The following CTNNA2 variants were observed in gnomAD, a reference collection of about 807,000 sequenced individuals.
CTNNA2 encodes catenin alpha-2.
CTNNA2 carries 42 observed loss-of-function variants against 101.0 expected under a neutral mutation model. The ratio of observed to expected loss-of-function variants is 0.42; its 90% confidence interval spans 0.32 to 0.54. The LOEUF (loss-of-function observed/expected upper bound fraction) is 0.54. Ranked by LOEUF, CTNNA2 falls within the 20% of genes least tolerant of loss-of-function variation. The pLI is 0.14. For missense variants in CTNNA2, 871 were observed against 1,223.1 expected (o/e 0.71, Z 4.29); for synonymous variants, 450 against 456.4 (o/e 0.99, Z 0.18).
At chr2:80,166,352 A>G (rs1407216537) in intron 7 of CTNNA2, among the ~76,000 whole-genome samples, 1 of 152,072 alleles carries the variant, frequency 6.6e-6, no homozygotes, top group Non-Finnish European at 1.5e-5. Context: ...CTGGAGATTG[A>G]CTCAGTCAGC....
At chr2:80,230,812 G>A (rs769291750) in intron 7 of CTNNA2, among the ~76,000 whole-genome samples, 40 of 152,194 alleles carry the variant, frequency 2.6e-4, no homozygotes, top group Non-Finnish European at 4.9e-4. Context: ...CCCAAAGCTT[G>A]CTCTACCTTT....
chr2:80,162,503 T>C (rs994964486), intron 7 of CTNNA2: 1 of 1,602,306 alleles, frequency 6.2e-7, no homozygotes, highest in African/African-American at 1.3e-5. Context: ...TCTGTTATCA[T>C]AGTCATGGCT....
At chr2:80,356,876 T>G (rs1673865459) in intron 7 of CTNNA2, among the ~76,000 whole-genome samples, 1 of 152,174 alleles carries the variant, frequency 6.6e-6, no homozygotes, top group Non-Finnish European at 1.5e-5. Flanking sequence ...TCAAAATACC[T>G]TTTGGTATCA....
At chr2:79,458,205 G>A (rs1670845095) in intron 4 of CTNNA2, among the ~76,000 whole-genome samples, 1 of 152,148 alleles carries the variant, frequency 6.6e-6, no homozygotes, top group Non-Finnish European at 1.5e-5. Context: ...CAGAGCTTTT[G>A]GATGTGATCA....
chr2:80,067,302 A>G (rs1032530005), intron 7 of CTNNA2, among the ~76,000 whole-genome samples: 2 of 152,214 alleles, frequency 1.3e-5, no homozygotes, highest in African/African-American at 4.8e-5. Flanking sequence ...TCCACAATGT[A>G]TACATATTTC....
At chr2:80,491,680 T>C (rs1687074489) in intron 9 of CTNNA2, among the ~76,000 whole-genome samples, 1 of 152,206 alleles carries the variant, frequency 6.6e-6, no homozygotes, top group African/African-American at 2.4e-5. Flanking sequence ...TCAATTTGCC[T>C]GGGAGAGTTC....
In CTNNA2 at chr2:79,844,329, G is replaced by T. The variant is rs553463516; in HGVS notation, c.299-13684G>T. Among the ~76,000 whole-genome samples, 11 of 152,268 alleles carry T rather than the reference G, an allele frequency of 7.2e-5. 1 individual carries two copies. The highest frequency in any genetic ancestry group is 2.6e-4 in the African/African-American group (11 of 41,538). ...CTACTTATTTTCAGTTTAACAATAG[G>T]ATCCCTGCTTTATATTTTGATGTAC... On this transcript the variant is annotated intron_variant, in intron 3 of 18. Coordinates refer to ENST00000402739, the MANE Select transcript of CTNNA2 (RefSeq NM_001282597.3).
rs547710743 is a variant in CTNNA2, at chr2:79,668,022, T to G, written c.102+16364T>G. Among the ~76,000 whole-genome samples, 6 of 150,142 alleles carry G rather than the reference T, an allele frequency of 4.0e-5. 1 individual carries two copies. In the East Asian group the frequency reaches 1.1e-3, roughly 27 times the overall value. ...TTGGGAGGCCGAGGCGGGTGGATCA[T>G]GAGGTCAGGAGATCGAGACCATCCT... On this transcript the variant is annotated intron_variant, in intron 2 of 18. Transcript: ENST00000402739.
chr2:80,456,499 A>G (rs556954246), intron 9 of CTNNA2, among the ~76,000 whole-genome samples: 2 of 152,316 alleles, frequency 1.3e-5, no homozygotes, highest in African/African-American at 2.4e-5. Context: ...GCCACTTTGC[A>G]TGACATTCAA....
intron 7 of CTNNA2, among the ~76,000 whole-genome samples, chr2:80,134,138 C>G (rs1309512522): frequency 6.6e-6 from 1 of 152,116 alleles, no homozygotes; most frequent in African/African-American, 2.4e-5. Flanking sequence ...ATCAAGTATT[C>G]TTCAACTCTA....
At chr2:80,644,850 A>C (rs3770381) in intron 18 of CTNNA2, among the ~76,000 whole-genome samples, 48,760 of 151,694 alleles carry the variant, frequency 0.32, 9,113 homozygotes, top group East Asian at 0.48. Flanking sequence ...CTCACTCTCA[A>C]ACAGTGTATT....
chr2:80,071,773 G>A (rs1198160501), intron 7 of CTNNA2, among the ~76,000 whole-genome samples: 2 of 152,156 alleles, frequency 1.3e-5, no homozygotes, highest in Non-Finnish European at 2.9e-5. Flanking sequence ...TGAGCTCATC[G>A]GCAGGGGTTG....
chr2:79,535,110 A>G (rs930091192), intron 1 of CTNNA2, among the ~76,000 whole-genome samples: 2 of 152,194 alleles, frequency 1.3e-5, no homozygotes, highest in African/African-American at 2.4e-5. Flanking sequence ...AATTTAACAT[A>G]TGATAGACAA....
At chr2:80,298,702 G>C (rs1675978369) in intron 7 of CTNNA2, 1 of 152,192 alleles carries the variant, frequency 6.6e-6, no homozygotes, top group Non-Finnish European at 1.5e-5. Context: ...GAAAAGGTTG[G>C]GGGCTCTTCT....
intron 5 of CTNNA2, among the ~76,000 whole-genome samples, chr2:79,506,283 C>T (rs1671412046): frequency 6.6e-6 from 1 of 151,636 alleles, no homozygotes; most frequent in Admixed American, 6.6e-5. Context: ...CCTAAAGCTC[C>T]TTTGCAAAGT....
At chr2:80,405,421 T>C (rs188874952) in intron 8 of CTNNA2, among the ~76,000 whole-genome samples, 45 of 152,302 alleles carry the variant, frequency 3.0e-4, no homozygotes, top group South Asian at 2.1e-3. Flanking sequence ...TACACTTTGC[T>C]CTTAGTTTAT....
At chr2:80,199,790 T>A (rs1336424777) in intron 7 of CTNNA2, among the ~76,000 whole-genome samples, 1 of 152,172 alleles carries the variant, frequency 6.6e-6, no homozygotes, top group Non-Finnish European at 1.5e-5. Context: ...TACTTAAATG[T>A]GCTTCCAGAA....
At chr2:79,768,249 G>A (rs1290218312) in intron 3 of CTNNA2, among the ~76,000 whole-genome samples, 5 of 151,576 alleles carry the variant, frequency 3.3e-5, no homozygotes, top group Non-Finnish European at 7.4e-5. Flanking sequence ...TCTTTGCATG[G>A]GGTCAGGGAG....
At chr2:79,195,738 A>T in intron 1 of CTNNA2, 1 of 458,936 alleles carries the variant, frequency 2.2e-6, no homozygotes, top group South Asian at 1.6e-5. Flanking sequence ...ACACAGAGGG[A>T]TGTGTCATAT....
Sources: gnomAD v4.1 joint callset for allele counts (sites outside exome capture counted in the v4.1 genomes callset) on GRCh38, gnomAD v4.1.1 for gene constraint, MANE v1.5 for transcripts, NCBI Gene and HGNC (gene_info 2026-07-23, HGNC 2026-07-21) for gene names.